Variants in EZH1 observed in about 807,000 individuals in gnomAD.
The protein encoded by EZH1 is enhancer of zeste 1 polycomb repressive complex 2 subunit, also known as histone-lysine N-methyltransferase EZH1.
EZH1 carries 33 observed loss-of-function variants against 100.5 expected under a neutral mutation model. The observed-to-expected ratio is 0.33, with a 90% CI of 0.25 to 0.44. The LOEUF (loss-of-function observed/expected upper bound fraction) is 0.44, where lower values mean the gene tolerates loss of function less well. Among genes scored for constraint, EZH1 ranks in the 20% least tolerant of loss-of-function variants. The pLI, the probability that EZH1 is intolerant of heterozygous loss-of-function variation, is 1.00. For missense variants in EZH1, 475 were observed against 928.4 expected, an observed-to-expected ratio of 0.51 and a Z score of 6.35; for synonymous variants, 272 against 313.8, an observed-to-expected ratio of 0.87 and a Z score of 1.41.
chr17:42,717,101 T>C (rs1405114792), intron 10 of EZH1, among the ~76,000 whole-genome samples: 1 of 152,182 alleles, frequency 6.6e-6, no homozygotes, highest in Non-Finnish European at 1.5e-5. Context: ...TTAGGCAAAA[T>C]ATATAACTTT....
At chr17:42,713,055 A>AG (rs1017334204) in intron 11 of EZH1, among the ~76,000 whole-genome samples, 154 bp downstream of exon 11, 10 of 140,908 alleles carry the variant, frequency 7.1e-5, no homozygotes, top group African/African-American at 3.1e-4. Context: ...AAAAAAAAAA[A>AG]AAAGAAAATA....
At chr17:42,737,275 C>T (rs895531719) in intron 1 of EZH1, among the ~76,000 whole-genome samples, 13 of 152,294 alleles carry the variant, frequency 8.5e-5, no homozygotes, top group East Asian at 7.7e-4. Flanking sequence ...CGTGAGCCAC[C>T]GCGCCCAGCC....
At chr17:42,717,113 G>T (rs1394576330) in intron 10 of EZH1, among the ~76,000 whole-genome samples, 3 of 152,136 alleles carry the variant, frequency 2.0e-5, no homozygotes, top group Admixed American at 2.0e-4. Context: ...TATAACTTTT[G>T]TAATCCAGTT....
chr17:42,727,934 G>A (rs969461258), intron 3 of EZH1, among the ~76,000 whole-genome samples, 171 bp from the exon 4 acceptor site: 7 of 148,928 alleles, frequency 4.7e-5, no homozygotes, highest in Admixed American at 6.7e-5. Flanking sequence ...CTCCTACCTC[G>A]GCCTCCCAAG....
At chr17:42,734,650 CAG>C (rs1436940811) in intron 1 of EZH1, among the ~76,000 whole-genome samples, 4 of 127,384 alleles carry the variant, frequency 3.1e-5, no homozygotes, top group African/African-American at 1.3e-4. Context: ...GCCTGGGTGA[CAG>C]AGTGAGGCCT....
chr17:42,702,480 G>A lies in EZH1; in HGVS notation c.*52C>T, dbSNP rs553972366. Reference sequence around the variant, plus strand: ...ACTCGAGCAGCAGTGGTGTGAGCACGAAAGCCAAGACAGTGCCGCTACCAT... The same window carrying A: ...ACTCGAGCAGCAGTGGTGTGAGCACAAAAGCCAAGACAGTGCCGCTACCAT... On this transcript the variant is annotated 3_prime_UTR_variant, in exon 21 of 21. Transcript: ENST00000428826. 6.1e-6 allele frequency: 9 copies of A among 1,470,136 alleles called. No individual in the cohort carries two copies. The highest frequency in any genetic ancestry group is 1.4e-5 in the African/African-American group (1 of 71,392). The allele number at this position is 1,470,136 out of a possible 1,614,324, so 91.1% of individuals were successfully genotyped here. A position where few individuals can be genotyped will look rare whatever the true frequency, so the allele number is the denominator to read the frequency against.
rs185378026 is a variant in EZH1 at position 42,714,887 on chromosome 17, A to G, written c.1024-1498T>C. 9.8e-3 allele frequency among the ~76,000 whole-genome samples: 1,379 copies of G among 141,278 alleles called. 28 individuals carry two copies. Among genetic ancestry groups the G allele is most frequent in the African/African-American group, 0.035 (1,336 of 38,532 alleles). The allele number at this position is 141,278 out of a possible 152,430, so 92.7% of individuals were successfully genotyped here. A position where few individuals can be genotyped will look rare whatever the true frequency, so the allele number is the denominator to read the frequency against. ...ATAATTTTTATATATTATATATATA[A>G]TATATAATATGGAAATATATTATAT... On this transcript the variant is annotated intron_variant, in intron 10 of 20. Coordinates refer to ENST00000428826, the MANE Select transcript of EZH1 (RefSeq NM_001991.5).
intron 7 of EZH1, 120 bp downstream of exon 7, chr17:42,720,153 T>C: frequency 9.6e-7 from 1 of 1,043,920 alleles, no homozygotes; most frequent in Non-Finnish European, 1.4e-6. Flanking sequence ...CATGTTCTCC[T>C]TTTAAGTGAA....
In EZH1 at chr17:42,727,628, A is replaced by G. The variant is rs1424730248; in HGVS notation, c.246+7T>C. 24 of 1,605,582 alleles carry G rather than the reference A, an allele frequency of 1.5e-5. No homozygotes were observed. The highest frequency in any genetic ancestry group is 2.0e-5 in the Non-Finnish European group (23 of 1,175,704). On this transcript the variant is annotated splice_region_variant and intron_variant, in intron 4 of 20. Transcript: ENST00000428826. Reference sequence around the variant, plus strand: ...GAGGAAGACTGAGCTTAAACTCCCAAAAGTACCTTTTTGAGAAAAGGGTGT... The same window carrying G: ...GAGGAAGACTGAGCTTAAACTCCCAGAAGTACCTTTTTGAGAAAAGGGTGT...
intron 1 of EZH1, 49 bp downstream of exon 1, chr17:42,744,962 G>A (rs1371457948): frequency 8.0e-7 from 1 of 1,254,072 alleles, no homozygotes; most frequent in South Asian, 1.3e-5. Flanking sequence ...GGCGGCGAGG[G>A]GAGGAGGCCC....
At position 42,718,304 on chromosome 17, in the gene EZH1, A is replaced by C; in HGVS notation, c.931+150T>G. On this transcript the variant is annotated intron_variant, in intron 9 of 20. Transcript: ENST00000428826. This position sits in a 1 kb window ranked among gnomAD's most constrained non-coding sequence, Gnocchi z 4.2. ...CCTATCATGCAAAGCATGTTGCACT[A>C]TAATTGAGCAAGGGAAAATAGAACT... 1 of 1,078,470 alleles carries C rather than the reference A, an allele frequency of 9.3e-7. No individual in the cohort carries two copies. Among genetic ancestry groups the C allele is most frequent in the Non-Finnish European group, 1.3e-6 (1 of 761,682 alleles). 66.8% of individuals were successfully genotyped at this position (1,078,470 alleles called of 1,614,324 possible).
At chr17:42,719,525 C>A (rs548793641) in intron 7 of EZH1, among the ~76,000 whole-genome samples, 1 of 152,198 alleles carries the variant, frequency 6.6e-6, no homozygotes, top group Non-Finnish European at 1.5e-5. Flanking sequence ...TCACTTGAGG[C>A]CAGGAGTTTG....
chr17:42,702,981 GAGGCT>G lies in EZH1; in HGVS notation c.2099-25_2099-21del. 6.2e-7 allele frequency: 1 copy of G among 1,613,368 alleles called. No individual in the cohort carries two copies. The highest frequency in any genetic ancestry group is 8.5e-7 in the Non-Finnish European group (1 of 1,179,458). ...TGACCACTGCAAGCAGGATAAACCC[GAGGCT>G]AGGTTCCTACCCAACTCCAAGTCAA... On this transcript the variant is annotated intron_variant, in intron 19 of 20. Transcript: ENST00000428826.
chr17:42,730,802 T>G (rs1418421406), intron 2 of EZH1, 26 bp downstream of exon 2: 1 of 969,378 alleles, frequency 1.0e-6, no homozygotes, highest in African/African-American at 1.8e-5. Flanking sequence ...GGCCAAGAAG[T>G]ATGTATTCTA....
Position 42,702,864 on chromosome 17 carries a change from A to G in EZH1, c.2183+13T>C, listed in dbSNP as rs769110070. 1.2e-6 allele frequency: 2 copies of G among 1,613,662 alleles called. No homozygotes were observed. The highest frequency in any genetic ancestry group is 3.3e-5 in the Admixed American group (2 of 59,996). On this transcript the variant is annotated intron_variant, in intron 20 of 20. Transcript: ENST00000428826. Reference sequence around the variant, plus strand: ...CCTGGGCCACATCCCAAGGACCATTACTGGCACCTCACCTGTAATCAAAGA... The same window carrying G: ...CCTGGGCCACATCCCAAGGACCATTGCTGGCACCTCACCTGTAATCAAAGA...
At chr17:42,724,547 G>T (rs762601251) in intron 4 of EZH1, 123 bp from the exon 5 acceptor site, 11 of 1,102,486 alleles carry the variant, frequency 1.0e-5, no homozygotes, top group Non-Finnish European at 1.4e-5. Flanking sequence ...CACTTTGGGA[G>T]GCCAAGACAG....
chr17:42,704,547 CAAAAA>C (rs1159596673), intron 18 of EZH1, 50 bp downstream of exon 18: 116 of 1,458,536 alleles, frequency 8.0e-5, no homozygotes, highest in Non-Finnish European at 7.5e-6. Context: ...GACTCCGTCT[CAAAAA>C]AAGAAAAAAA....
At chr17:42,728,116 CTT>C (rs748198083) in intron 3 of EZH1, among the ~76,000 whole-genome samples, 14 of 117,254 alleles carry the variant, frequency 1.2e-4, no homozygotes, top group South Asian at 2.8e-4. Flanking sequence ...CGTGCCTGGC[CTT>C]TTTTTTTTTT....
rs558974793 is a variant in EZH1, at chr17:42,745,027, C to T, written c.-119G>A. 15 of 1,272,742 alleles carry T rather than the reference C, an allele frequency of 1.2e-5. No individual in the cohort carries two copies. In the South Asian group the frequency reaches 1.5e-4, roughly 13 times the overall value. 78.8% of individuals were successfully genotyped at this position (1,272,742 alleles called of 1,614,324 possible). A position where few individuals can be genotyped will look rare whatever the true frequency, so the allele number is the denominator to read the frequency against. On this transcript the variant is annotated 5_prime_UTR_variant, in exon 1 of 21. Transcript: ENST00000428826. ...CTCACTCACCCTCCATCCCGAGCCG[C>T]GGGTCCCGCTGCTAGGACGCATGCG...
Sources: allele counts gnomAD v4.1 joint callset (sites outside exome capture counted in the v4.1 genomes callset), GRCh38; gene constraint gnomAD v4.1.1; non-coding constraint Gnocchi (gnomAD v3.1); transcripts MANE v1.5; gene names NCBI Gene and HGNC (gene_info 2026-07-23, HGNC 2026-07-21).